ANAPC1: variants seen among roughly 807,000 people sequenced by gnomAD.
ANAPC1 encodes anaphase-promoting complex subunit 1.
A neutral mutation model predicts 208.0 loss-of-function variants in ANAPC1; 36 were observed. The observed-to-expected ratio is 0.17, with a 90% CI of 0.13 to 0.23. ANAPC1 has a LOEUF of 0.23. Ranked by LOEUF, ANAPC1 falls within the 10% of genes least tolerant of loss-of-function variation. ANAPC1 has a pLI of 1.00. For missense variants in ANAPC1, 942 were observed against 2,011.6 expected (o/e 0.47, Z 10.17); for synonymous variants, 378 against 695.2 (o/e 0.54, Z 7.18).
Position 111,794,291 on chromosome 2 carries a change from C to T in ANAPC1, c.4406G>A (p.Cys1469Tyr), listed in dbSNP as rs757064812. The change falls in exon 36 of 48, where the codon TGC becomes TAC. Residue 1469 changes from cysteine to tyrosine, a missense_variant. Physicochemically the swap from Cys to Tyr is radical, Grantham distance 194. Transcript: ENST00000341068. ...QAHVYIIAGA[C>Y]LSLGFRFAGS... ...AGCAAATCGAAAACCCAGAGACAAG[C>T]AGGCTCCTGCAATTATGTAGACATG... 1 of 1,613,088 alleles carries T rather than the reference C, an allele frequency of 6.2e-7. No homozygotes were observed. The highest frequency in any genetic ancestry group is 1.1e-5 in the South Asian group (1 of 90,694).
At chr2:111,822,848 G>A (rs1382341974) in intron 24 of ANAPC1, among the ~76,000 whole-genome samples, 1 of 151,456 alleles carries the variant, frequency 6.6e-6, no homozygotes, top group Non-Finnish European at 1.5e-5. Flanking sequence ...CCTAGAAGGG[G>A]AAACATAAAT....
At chr2:111,876,182 G>A (rs796113369) in intron 3 of ANAPC1, among the ~76,000 whole-genome samples, 7 of 151,850 alleles carry the variant, frequency 4.6e-5, no homozygotes, top group African/African-American at 1.2e-4. Flanking sequence ...TAGAGCCCAG[G>A]GGTTCAAGAC....
intron 21 of ANAPC1, among the ~76,000 whole-genome samples, chr2:111,830,733 G>A (rs192823276): frequency 2.9e-4 from 44 of 152,268 alleles, no homozygotes; most frequent in African/African-American, 1.0e-3. Flanking sequence ...ATAAAAAAGA[G>A]TGACAATACC....
At position 111,821,328 on chromosome 2, in the gene ANAPC1, C is replaced by G; in HGVS notation, c.3117G>C (p.Arg1039Ser). The change falls in exon 26 of 48, where the codon AGG becomes AGC. Residue 1039 changes from arginine to serine, a missense_variant. Coordinates refer to ENST00000341068, the MANE Select transcript of ANAPC1 (RefSeq NM_022662.4). ...SEDLRVQDVR[R>S]LLQSAHPVRV... Reference sequence around the variant, plus strand: ...GGACAGGATGCGCACTCTGAAGAAGCCTTCGCACATCCTGCACCCTTAAAT... The same window carrying G: ...GGACAGGATGCGCACTCTGAAGAAGGCTTCGCACATCCTGCACCCTTAAAT... 2 of 1,611,588 alleles carry G rather than the reference C, an allele frequency of 1.2e-6. No homozygotes were observed. The highest frequency in any genetic ancestry group is 1.7e-6 in the Non-Finnish European group (2 of 1,179,198).
intron 3 of ANAPC1, among the ~76,000 whole-genome samples, chr2:111,878,158 G>A (rs1300865151): frequency 6.6e-6 from 1 of 152,244 alleles, no homozygotes; most frequent in Admixed American, 6.5e-5. Flanking sequence ...TCAACCAACA[G>A]TGTTAGTATC....
chr2:111,836,603 C>T (rs1680481558), intron 18 of ANAPC1, among the ~76,000 whole-genome samples: 1 of 151,118 alleles, frequency 6.6e-6, no homozygotes, highest in South Asian at 2.1e-4. Flanking sequence ...ACTACGATAG[C>T]ATCACTGCAG....
chr2:111,782,052 G>A (rs150279680), intron 43 of ANAPC1, among the ~76,000 whole-genome samples: 16,731 of 151,616 alleles, frequency 0.11, 388 homozygotes, highest in Non-Finnish European at 0.15. Flanking sequence ...AATCTTCACC[G>A]ATTTGAAGAT....
intron 47 of ANAPC1, among the ~76,000 whole-genome samples, chr2:111,770,201 T>TTA (rs3055943): frequency 0.17 from 13,596 of 79,790 alleles, 866 homozygotes; most frequent in East Asian, 0.32. Flanking sequence ...TTGTTTAATT[T>TTA]TATATATATA....
chr2:111,830,824 C>T (rs1573413670), intron 21 of ANAPC1, among the ~76,000 whole-genome samples: 2 of 152,330 alleles, frequency 1.3e-5, no homozygotes, highest in East Asian at 3.9e-4. Flanking sequence ...CTCTGGAAAA[C>T]AGATGACAGT....
chr2:111,825,845 A>G lies in ANAPC1; in HGVS notation c.2636T>C (p.Leu879Pro). The G allele has an allele frequency of 6.2e-7, 1 of 1,608,222 alleles. No homozygotes were observed. The highest frequency in any genetic ancestry group is 8.5e-7 in the Non-Finnish European group (1 of 1,176,066). Residue 879 changes from leucine (L) to proline (P), a missense_variant, in exon 22 of 48, where the codon CTG becomes CCG. By Grantham distance (98) the Leu-to-Pro change is moderately conservative. Transcript: ENST00000341068. ...RSRLVVLSIA[L>P]YILGDESLVS... ...CAAGCTCTCATCACCAAGTATGTAC[A>G]GTGCAATACTCTGCAAAGGAAGAAA... is the stretch of plus-strand genomic sequence containing the variant.
intron 16 of ANAPC1, among the ~76,000 whole-genome samples, chr2:111,844,562 T>A (rs1318675226): frequency 1.8e-5 from 2 of 111,970 alleles, no homozygotes; most frequent in African/African-American, 5.8e-5. Flanking sequence ...AGAGCGAAAC[T>A]CTGTCTCAAA....
chr2:111,862,827 A>G (rs1238245029), intron 9 of ANAPC1, among the ~76,000 whole-genome samples: 1 of 152,154 alleles, frequency 6.6e-6, no homozygotes, highest in East Asian at 1.9e-4. Context: ...CTCATCTTTT[A>G]CAACTAAAAC....
At position 111,847,804 on chromosome 2, in the gene ANAPC1, T is replaced by C. The variant is rs773207491; in HGVS notation, c.1712A>G (p.Tyr571Cys). ...RDSSKLHDSLYNEDCTFQQLG... is the reference protein window; with the variant it reads ...RDSSKLHDSLCNEDCTFQQLG... ...CTGTTGGAAAGTACAATCCTCATTATAGAGAGAATCATGAAGTTTTGAAGA... is the reference window on the plus strand; with the variant it reads ...CTGTTGGAAAGTACAATCCTCATTACAGAGAGAATCATGAAGTTTTGAAGA... The change falls in exon 15 of 48, where the codon TAT (tyrosine) becomes TGT (cysteine). Residue 571 changes from tyrosine to cysteine, a missense_variant. By Grantham distance (194) the Tyr-to-Cys change is radical. Transcript: ENST00000341068. 6 of 1,605,768 alleles carry C rather than the reference T, an allele frequency of 3.7e-6. No homozygotes were observed. The highest frequency in any genetic ancestry group is 2.2e-5 in the East Asian group (1 of 44,568).
chr2:111,873,441 T>G (rs1682866537), intron 4 of ANAPC1, 33 bp from the exon 5 acceptor site: 1 of 1,596,580 alleles, frequency 6.3e-7, no homozygotes, highest in Non-Finnish European at 8.5e-7. Context: ...GACTTATGTG[T>G]TTTTTCCCTC....
chr2:111,771,808 T>A (rs1403236503), intron 47 of ANAPC1, among the ~76,000 whole-genome samples: 6 of 151,706 alleles, frequency 4.0e-5, no homozygotes, highest in African/African-American at 1.4e-4. Flanking sequence ...CTCAAAAAAA[T>A]TGGGTGCTTA....
In ANAPC1 at chr2:111,850,788, T is replaced by C. The variant is rs149836396; in HGVS notation, c.1638A>G (p.Gly546=). 4.3e-5 allele frequency: 69 copies of C among 1,611,812 alleles called. No individual in the cohort carries two copies. In the African/African-American group the frequency reaches 7.5e-4, roughly 17 times the overall value. Residue 546 remains glycine (G), a synonymous_variant, in exon 14 of 48, where the codon GGA becomes GGG. Coordinates refer to ENST00000341068, the MANE Select transcript of ANAPC1 (RefSeq NM_022662.4). ...STPKPLSKLL[G]SLDEVVLLSP... is the part of the protein sequence containing the mutation. ...GTCCTTTTCTTACCTCGTCCAATGA[T>C]CCAAGGAGTTTACTAAGAGGCTTTG...
At chr2:111,853,312 G>A (rs1681515365) in intron 13 of ANAPC1, among the ~76,000 whole-genome samples, 1 of 152,154 alleles carries the variant, frequency 6.6e-6, no homozygotes, top group Admixed American at 6.5e-5. Context: ...TGTTATTTGT[G>A]TTAGACCATT....
rs536751230 is a variant in ANAPC1 at position 111,767,758 on chromosome 2, A to G, written c.*1533T>C. On this transcript the variant is annotated 3_prime_UTR_variant, in exon 48 of 48. Coordinates refer to ENST00000341068, the MANE Select transcript of ANAPC1 (RefSeq NM_022662.4). ...AAATCTTGATTCAAATGGAATTTTC[A>G]TAATCTACCACTTAAAATTTATTTT... 1 of 151,138 alleles carries G rather than the reference A, an allele frequency of 6.6e-6. No individual in the cohort carries two copies. The highest frequency in any genetic ancestry group is 2.1e-4 in the South Asian group (1 of 4,796). The allele number at this position is 151,138 out of a possible 1,614,324, so 9.4% of individuals were successfully genotyped here. A position where few individuals can be genotyped will look rare whatever the true frequency, so the allele number is the denominator to read the frequency against.
Position 111,850,867 on chromosome 2 carries a change from G to C in ANAPC1, c.1559C>G (p.Thr520Arg), listed in dbSNP as rs141781154. 129 of 1,610,404 alleles carry C rather than the reference G, an allele frequency of 8.0e-5. 1 individual carries two copies. Among genetic ancestry groups the C allele is most frequent in the South Asian group, 2.2e-4 (20 of 90,392 alleles). ...FIPGLPAPSL[T>R]MSNTMPRPST... The stretch of plus-strand genomic sequence containing the variant: ...GGGCCGAGGCATTGTGTTGGACATC[G>C]TCAGAGAGGGAGCTGGCAGTCCAGG... The change falls in exon 14 of 48, where the codon ACG becomes AGG. Residue 520 changes from threonine (T) to arginine (R), a missense_variant. Coordinates refer to ENST00000341068, the MANE Select transcript of ANAPC1 (RefSeq NM_022662.4).
Sources: gnomAD v4.1 joint callset for allele counts (sites outside exome capture counted in the v4.1 genomes callset) on GRCh38, gnomAD v4.1.1 for gene constraint, MANE v1.5 for transcripts, NCBI Gene and HGNC (gene_info 2026-07-23, HGNC 2026-07-21) for gene names.